The following ROBO2 variants were observed in gnomAD, a reference collection of about 807,000 sequenced individuals.
ROBO2 encodes the protein roundabout homolog 2.
ROBO2 carries 53 observed loss-of-function variants against 160.8 expected under a neutral mutation model. The observed-to-expected ratio is 0.33, with a 90% CI of 0.26 to 0.41. The LOEUF is 0.41. Among genes scored for constraint, ROBO2 ranks in the 10% least tolerant of loss-of-function variants. The pLI is 1.00. For missense variants in ROBO2, 1,577 were observed against 1,722.4 expected (o/e 0.92, Z 1.49); for synonymous variants, 664 against 611.7 (o/e 1.09, Z -1.26).
chr3:76,468,353 T>C (rs1399764457), intron 2 of ROBO2, among the ~76,000 whole-genome samples: 2 of 152,166 alleles, frequency 1.3e-5, no homozygotes, highest in Non-Finnish European at 1.5e-5. Flanking sequence ...TCCTGTCTCC[T>C]GTTTATTCGT....
chr3:76,206,060 G>C (rs905711184), intron 2 of ROBO2, among the ~76,000 whole-genome samples: 1 of 152,116 alleles, frequency 6.6e-6, no homozygotes, highest in Non-Finnish European at 1.5e-5. Context: ...CTGGAGCCCA[G>C]TTATTGTTCA....
rs1414664360 is a variant in ROBO2 at position 76,049,403 on chromosome 3, A to ATATATATTTTTTTT, written c.109+111802_109+111803insATATATTTTTTTTT. Among the ~76,000 whole-genome samples, 40 of 53,758 alleles carry ATATATATTTTTTTT rather than the reference A, an allele frequency of 7.4e-4. No individual in the cohort carries two copies. The East Asian group carries it at 0.018, about 24-fold the overall frequency. The allele number at this position is 53,758 out of a possible 152,430, so 35.3% of individuals were successfully genotyped here. A position where few individuals can be genotyped will look rare whatever the true frequency, so the allele number is the denominator to read the frequency against. On this transcript the variant is annotated intron_variant, in intron 2 of 26. Transcript: ENST00000487694. ...TTTTAGTATATATATATATATATAT[A>ATATATATTTTTTTT]TTTTTTTTTTTTTTTTTTTTTGTAG...
intron 2 of ROBO2, among the ~76,000 whole-genome samples, chr3:76,289,279 C>T (rs148976617): frequency 4.3e-4 from 66 of 152,234 alleles, no homozygotes; most frequent in Admixed American, 7.2e-4. Context: ...TGCTTGTTGA[C>T]GACATGTATG....
chr3:76,114,604 G>A (rs891206364), intron 2 of ROBO2, among the ~76,000 whole-genome samples: 35 of 152,018 alleles, frequency 2.3e-4, no homozygotes, highest in Non-Finnish European at 4.3e-4. Flanking sequence ...GAACATTAAA[G>A]TGGTTATGTA....
intron 2 of ROBO2, among the ~76,000 whole-genome samples, chr3:76,266,784 T>G (rs1290403159): frequency 6.6e-6 from 1 of 152,130 alleles, no homozygotes; most frequent in East Asian, 1.9e-4. Flanking sequence ...TCTACCAAAC[T>G]TTTGTGATAT....
rs144774373 is a variant in ROBO2, at chr3:77,459,202, A to G, written c.389-18212A>G. 1.9e-3 allele frequency among the ~76,000 whole-genome samples: 285 copies of G among 152,352 alleles called. 1 individual carries two copies. Among genetic ancestry groups the G allele is most frequent in the South Asian group, 3.5e-3 (17 of 4,834 alleles). On this transcript the variant is annotated intron_variant, in intron 2 of 25. Transcript: ENST00000461745. ...AAGTTAGTTTTTACCTTTGAAAATA[A>G]GAAACTACTAGCATTTCAAGATCAT...
intron 2 of ROBO2, among the ~76,000 whole-genome samples, chr3:77,167,484 T>G (rs1451363541): frequency 6.6e-6 from 1 of 152,184 alleles, no homozygotes; most frequent in Non-Finnish European, 1.5e-5. Context: ...TTGCATCCTT[T>G]ATAGCCTACT....
intron 2 of ROBO2, among the ~76,000 whole-genome samples, chr3:76,328,589 G>T (rs1299414727): frequency 6.6e-6 from 1 of 151,552 alleles, no homozygotes; most frequent in Non-Finnish European, 1.5e-5. Context: ...ATCCAGGCGC[G>T]GTGGCTCACG....
intron 2 of ROBO2, among the ~76,000 whole-genome samples, chr3:77,165,060 G>A (rs1262583736): frequency 6.6e-6 from 1 of 152,084 alleles, no homozygotes; most frequent in East Asian, 1.9e-4. Flanking sequence ...TCTGGGAGGT[G>A]TGCCCAACGG....
chr3:77,569,408 G>A (rs751069232), intron 13 of ROBO2, among the ~76,000 whole-genome samples: 9 of 151,770 alleles, frequency 5.9e-5, no homozygotes, highest in Non-Finnish European at 1.3e-4. Context: ...GTTTTGATTT[G>A]CATTTCTTTA....
At chr3:77,389,070 G>A (rs542009847) in intron 2 of ROBO2, among the ~76,000 whole-genome samples, 5 of 152,102 alleles carry the variant, frequency 3.3e-5, no homozygotes, top group South Asian at 4.2e-4. Context: ...TCAGCCTCCC[G>A]AGTAGCTGGG....
chr3:76,731,261 A>ATAC (rs1194255444), intron 2 of ROBO2, among the ~76,000 whole-genome samples: 2 of 152,216 alleles, frequency 1.3e-5, no homozygotes, highest in African/African-American at 4.8e-5. Context: ...ATTTTTATGA[A>ATAC]TACTACACAT....
chr3:76,671,850 G>A (rs937655078), intron 2 of ROBO2, among the ~76,000 whole-genome samples: 35 of 151,960 alleles, frequency 2.3e-4, no homozygotes, highest in Admixed American at 1.1e-3. Context: ...TATAGTAAAT[G>A]CTATACTATT....
At chr3:76,697,005 A>G (rs1412805459) in intron 2 of ROBO2, among the ~76,000 whole-genome samples, 1 of 152,178 alleles carries the variant, frequency 6.6e-6, no homozygotes, top group African/African-American at 2.4e-5. Context: ...AAGTATTTTT[A>G]TGTATAATTT....
chr3:76,226,410 C>T (rs541218358), intron 2 of ROBO2, among the ~76,000 whole-genome samples: 41 of 151,782 alleles, frequency 2.7e-4, no homozygotes, highest in Middle Eastern at 3.4e-3. Context: ...TGGTGTGTGC[C>T]CTGAAGGGTG....
chr3:76,773,194 TC>T (rs2062023452), intron 2 of ROBO2, among the ~76,000 whole-genome samples: 2 of 151,164 alleles, frequency 1.3e-5, no homozygotes, highest in East Asian at 3.9e-4. Flanking sequence ...CATGATTAAA[TC>T]TGTCATGAAG....
chr3:75,922,115 C>G (rs1947083875), intron 1 of ROBO2, among the ~76,000 whole-genome samples: 1 of 151,980 alleles, frequency 6.6e-6, no homozygotes, highest in Admixed American at 6.5e-5. Context: ...AACCTAAAAT[C>G]CAATATATGA....
At chr3:76,841,200 A>G (rs973754569) in intron 2 of ROBO2, among the ~76,000 whole-genome samples, 3 of 152,184 alleles carry the variant, frequency 2.0e-5, no homozygotes, top group Non-Finnish European at 2.9e-5. Flanking sequence ...AGATAGAAAC[A>G]ACTATAGCCT....
chr3:77,194,055 TGAG>T (rs1486463722), intron 2 of ROBO2, among the ~76,000 whole-genome samples: 3 of 152,202 alleles, frequency 2.0e-5, no homozygotes, highest in African/African-American at 7.2e-5. Context: ...ACATGTTGTG[TGAG>T]ATGACAGTTG....
Sources: allele counts gnomAD v4.1 joint callset (sites outside exome capture counted in the v4.1 genomes callset), GRCh38; gene constraint gnomAD v4.1.1; transcripts MANE v1.5; gene names NCBI Gene and HGNC (gene_info 2026-07-23, HGNC 2026-07-21).